Variants in CFTR observed in about 807,000 individuals in gnomAD.
The protein encoded by CFTR is cystic fibrosis transmembrane conductance regulator.
A neutral mutation model predicts 171.6 loss-of-function variants in CFTR; 181 were observed. The observed-to-expected ratio is 1.05, with a 90% confidence interval of 0.93 to 1.19. The LOEUF (loss-of-function observed/expected upper bound fraction) is 1.19. CFTR is among the 50% of genes most tolerant of loss of function. CFTR has a pLI of 0.00. For synonymous variants in CFTR, 583 were observed against 608.0 expected, an observed-to-expected ratio of 0.96 and a Z score of 0.60; for missense variants, 1,968 against 1,734.7, an observed-to-expected ratio of 1.13 and a Z score of -2.39.
At chr7:117,591,205 A>G (rs1330529077) in intron 13 of CFTR, among the ~76,000 whole-genome samples, 3 of 152,100 alleles carry the variant, frequency 2.0e-5, no homozygotes, top group African/African-American at 7.2e-5. Flanking sequence ...CAACCCTGAG[A>G]TTGTGAAAAG....
intron 1 of CFTR, among the ~76,000 whole-genome samples, chr7:117,485,524 A>G (rs1320567401): frequency 6.6e-6 from 1 of 152,158 alleles, no homozygotes; most frequent in African/African-American, 2.4e-5. Flanking sequence ...AATTTACCAC[A>G]TAGTTGTTTC....
intron 5 of CFTR, among the ~76,000 whole-genome samples, chr7:117,534,688 C>T (rs1369943635): frequency 1.3e-5 from 2 of 152,168 alleles, no homozygotes; most frequent in Non-Finnish European, 2.9e-5. Flanking sequence ...AATTCTTGTT[C>T]TGGGTTGTCT....
intron 3 of CFTR, 75 bp downstream of exon 3, chr7:117,509,217 A>T: frequency 2.2e-6 from 2 of 895,178 alleles, no homozygotes; most frequent in Non-Finnish European, 3.7e-6. Context: ...AAGACTACGA[A>T]ATCTGGTGAA....
intron 11 of CFTR, chr7:117,564,617 A>G (rs1465161857): frequency 1.2e-5 from 2 of 166,916 alleles, no homozygotes; most frequent in Non-Finnish European, 2.9e-5. Context: ...GATTCAGTAT[A>G]TTTTCATCTT....
At chr7:117,631,066 G>A (rs2116138462) in intron 22 of CFTR, among the ~76,000 whole-genome samples, 1 of 152,116 alleles carries the variant, frequency 6.6e-6, no homozygotes, top group South Asian at 2.1e-4. Flanking sequence ...TCAAACTCCT[G>A]GCCTCAAGTG....
chr7:117,602,660 TAGTAC>T (rs1792243150), intron 15 of CFTR, among the ~76,000 whole-genome samples, 161 bp from the exon 16 acceptor site: 1 of 152,130 alleles, frequency 6.6e-6, no homozygotes, highest in African/African-American at 2.4e-5. Flanking sequence ...TTAGAACACC[TAGTAC>T]AGCTGCTGGA....
rs80055610 is a variant in CFTR, at chr7:117,587,833, G to A, written c.1679G>A (p.Arg560Lys). 9.0e-6 allele frequency: 14 copies of A among 1,554,866 alleles called. No homozygotes were observed. The highest frequency in any genetic ancestry group is 1.2e-5 in the Non-Finnish European group (14 of 1,126,296). The change falls in exon 12 of 27, where the codon AGA becomes AAA. Residue 560 changes from arginine (R) to lysine (K), a missense_variant and splice_region_variant. Transcript: ENST00000003084. ...CAACGAGCAAGAATTTCTTTAGCAA[G>A]GTGAATAACTAATTATTGGTCTAGC... is the stretch of plus-strand genomic sequence containing the variant. ...GGQRARISLA[R>K]AVYKDADLYL...
intron 24 of CFTR, among the ~76,000 whole-genome samples, chr7:117,662,598 CAGG>C (rs910666628): frequency 6.6e-6 from 1 of 151,970 alleles, no homozygotes; most frequent in African/African-American, 2.4e-5. Flanking sequence ...TTTATTCCAC[CAGG>C]AGGAGAACTA....
intron 2 of CFTR, among the ~76,000 whole-genome samples, chr7:117,505,102 A>G (rs1331066483): frequency 6.6e-6 from 1 of 152,178 alleles, no homozygotes; most frequent in South Asian, 2.1e-4. Flanking sequence ...GCCAGGTAGA[A>G]TATCTCCTCT....
At chr7:117,548,879 T>G (rs3958006) in intron 10 of CFTR, 56 bp downstream of exon 10, 1 of 1,558,934 alleles carries the variant, frequency 6.4e-7, no homozygotes, top group South Asian at 1.2e-5. Flanking sequence ...TGTCTCTTTT[T>G]TTTTCTAGTT....
intron 21 of CFTR, among the ~76,000 whole-genome samples, chr7:117,618,395 C>T (rs371783456): frequency 6.6e-6 from 1 of 151,900 alleles, no homozygotes; most frequent in Admixed American, 6.6e-5. Flanking sequence ...GCACAAGAAT[C>T]GCTTGAACCT....
rs182115799 is a variant in CFTR at position 117,487,186 on chromosome 7, T to G, written c.53+7039T>G. ...GTTAGGTAATATGGTTATTTGAAAA[T>G]GTATTAAAGTGATTTAGAGCTTAGT... is the stretch of plus-strand genomic sequence containing the variant. On this transcript the variant is annotated intron_variant, in intron 1 of 26. Coordinates refer to ENST00000003084, the MANE Select transcript of CFTR (RefSeq NM_000492.4). Among the ~76,000 whole-genome samples the G allele has an allele frequency of 4.2e-4, 64 of 152,044 alleles. No individual in the cohort carries two copies. The highest frequency in any genetic ancestry group is 3.7e-3 in the Admixed American group (56 of 15,266).
In CFTR at chr7:117,664,879, GTTAC is replaced by G; in HGVS notation, c.4136+23_4136+26del. 1.2e-6 allele frequency: 2 copies of G among 1,612,320 alleles called. No homozygotes were observed. The highest frequency in any genetic ancestry group is 1.7e-6 in the Non-Finnish European group (2 of 1,178,446). ...ATCCAGTGTGAGTTTCAGATGTTCT[GTTAC>G]TTAATAGCACAGTGGGAACAGAATC... On this transcript the variant is annotated intron_variant, in intron 25 of 26. Coordinates refer to ENST00000003084, the MANE Select transcript of CFTR (RefSeq NM_000492.4).
chr7:117,504,623 G>T (rs908376332), intron 2 of CFTR, among the ~76,000 whole-genome samples: 1 of 151,870 alleles, frequency 6.6e-6, no homozygotes, highest in African/African-American at 2.4e-5. Flanking sequence ...GAATGGTAGT[G>T]CATGCTTGTA....
intron 3 of CFTR, among the ~76,000 whole-genome samples, chr7:117,516,169 A>G (rs1001956207): frequency 1.3e-5 from 2 of 152,210 alleles, no homozygotes; most frequent in African/African-American, 4.8e-5. Context: ...AATGAATATG[A>G]CATGGTGAAA....
chr7:117,547,018 C>A (rs1256182566), intron 9 of CFTR, among the ~76,000 whole-genome samples: 1 of 152,096 alleles, frequency 6.6e-6, no homozygotes, highest in Non-Finnish European at 1.5e-5. Flanking sequence ...GTCATTCTCC[C>A]ATGTAGGATG....
intron 5 of CFTR, 56 bp downstream of exon 5, chr7:117,534,421 G>C: frequency 1.0e-6 from 1 of 957,454 alleles, no homozygotes; most frequent in Non-Finnish European, 1.7e-6. Flanking sequence ...TATACAACTG[G>C]AAAGGCGGAG....
At chr7:117,659,558 T>C (rs987175384) in intron 24 of CFTR, among the ~76,000 whole-genome samples, 4 of 152,200 alleles carry the variant, frequency 2.6e-5, no homozygotes, top group Non-Finnish European at 4.4e-5. Context: ...AGCCTTGAGA[T>C]GTCTGAGGGC....
rs188744658 is a variant in CFTR at position 117,562,953 on chromosome 7, C to G, written c.1584+3298C>G. ...AGACAGAACCAGAGTGTAAATAAGC[C>G]AGAAGGCCATGTCATGGAGGCCTTG... On this transcript the variant is annotated intron_variant, in intron 11 of 26. Transcript: ENST00000003084. 3.3e-5 allele frequency among the ~76,000 whole-genome samples: 5 copies of G among 152,178 alleles called. No homozygotes were observed. In the East Asian group the frequency reaches 9.7e-4, roughly 29 times the overall value.
Sources: gnomAD v4.1 joint callset for allele counts (sites outside exome capture counted in the v4.1 genomes callset) on GRCh38, gnomAD v4.1.1 for gene constraint, MANE v1.5 for transcripts, NCBI Gene and HGNC (gene_info 2026-07-23, HGNC 2026-07-21) for gene names.